Variants in CELF2 observed in about 807,000 individuals in gnomAD.
The protein encoded by CELF2 is CUG triplet repeat RNA-binding protein 2.
A neutral mutation model predicts 62.6 loss-of-function variants in CELF2; 8 were observed. That is an observed-to-expected ratio of 0.13 (90% CI 0.07 to 0.23). CELF2 has a LOEUF of 0.23. CELF2 is among the 10% of genes least tolerant of loss of function. The pLI is 1.00. For synonymous variants in CELF2, 258 were observed against 250.0 expected, an observed-to-expected ratio of 1.03 and a Z score of -0.30; for missense variants, 333 against 671.0, an observed-to-expected ratio of 0.50 and a Z score of 5.56.
chr10:10,606,435 G>A, the CELF2 span, among the ~76,000 whole-genome samples: 1 of 152,180 alleles, frequency 6.6e-6, no homozygotes, highest in Middle Eastern at 3.4e-3. Context: ...TAAAGTGGTG[G>A]GGCTGACTCA....
chr10:10,974,321 C>G (rs2051094558), intron 2 of CELF2, among the ~76,000 whole-genome samples: 1 of 152,108 alleles, frequency 6.6e-6, no homozygotes, highest in South Asian at 2.1e-4. Flanking sequence ...ATTATCTCAC[C>G]AAAAGATTCT....
rs1207968171 is a variant in CELF2 at position 11,027,479 on chromosome 10, T to C, written c.74+9316T>C. Among the ~76,000 whole-genome samples, 5 of 152,294 alleles carry C rather than the reference T, an allele frequency of 3.3e-5. No individual in the cohort carries two copies. The East Asian group carries it at 9.6e-4, about 29-fold the overall frequency. ...GAGGAGACTGAGAGGCAAGTCGTTT[T>C]TTTTATCTTCACCTCGGTTGAGTAC... On this transcript the variant is annotated intron_variant, in intron 1 of 12. Transcript: ENST00000633077.
chr10:10,925,640 A>G (rs2065390319), intron 2 of CELF2, among the ~76,000 whole-genome samples: 1 of 152,166 alleles, frequency 6.6e-6, no homozygotes. Context: ...GATCAGAGGC[A>G]GTAAGGACAT....
At chr10:10,907,894 G>A (rs1284494101) in intron 1 of CELF2, among the ~76,000 whole-genome samples, 2 of 152,166 alleles carry the variant, frequency 1.3e-5, no homozygotes, top group Non-Finnish European at 2.9e-5. Flanking sequence ...CATGGTCCAA[G>A]AAGCAACCTG....
rs1215035331 is a variant in CELF2 at position 11,324,324 on chromosome 10, C to G, written c.1295-1512C>G. On this transcript the variant is annotated intron_variant, in intron 11 of 12. Transcript: ENST00000633077. This position sits in a 1 kb window ranked among gnomAD's most constrained non-coding sequence, Gnocchi z 4.7. ...AACATGAAAGCTGGTAGCACCAAAT[C>G]TGACCATCAGACATACCACCCAGGA... is the stretch of plus-strand genomic sequence containing the variant. Among the ~76,000 whole-genome samples the G allele has an allele frequency of 1.3e-5, 2 of 152,220 alleles. No individual in the cohort carries two copies. The highest frequency in any genetic ancestry group is 2.4e-5 in the African/African-American group (1 of 41,452).
At chr10:10,951,600 G>T (rs1177779971) in intron 2 of CELF2, among the ~76,000 whole-genome samples, 1 of 152,180 alleles carries the variant, frequency 6.6e-6, no homozygotes, top group Non-Finnish European at 1.5e-5. Flanking sequence ...AGTTTTAAAG[G>T]TTGAAAACCA....
intron 1 of CELF2, among the ~76,000 whole-genome samples, chr10:11,081,895 C>T (rs1201038350): frequency 6.6e-6 from 1 of 152,210 alleles, no homozygotes; most frequent in Admixed American, 6.5e-5. Flanking sequence ...TATATTGGTG[C>T]TGTCTTCCAT....
At chr10:10,640,723 T>G in the CELF2 span, among the ~76,000 whole-genome samples, 1 of 152,222 alleles carries the variant, frequency 6.6e-6, no homozygotes, top group South Asian at 2.1e-4. Context: ...TCTGTGCACC[T>G]TGTTAGCATT....
At chr10:10,498,088 A>T in the CELF2 span, among the ~76,000 whole-genome samples, 17 of 152,302 alleles carry the variant, frequency 1.1e-4, no homozygotes, top group East Asian at 2.5e-3. Context: ...CTTACGGACC[A>T]GTTGTGAAGA....
At chr10:10,667,452 T>A in the CELF2 span, among the ~76,000 whole-genome samples, 1 of 152,294 alleles carries the variant, frequency 6.6e-6, no homozygotes, top group Admixed American at 6.5e-5. Flanking sequence ...AAAGGAGATG[T>A]TTTTTAGCAC....
At chr10:11,248,236 G>A (rs1293685751) in intron 3 of CELF2, among the ~76,000 whole-genome samples, 1 of 152,190 alleles carries the variant, frequency 6.6e-6, no homozygotes, top group Non-Finnish European at 1.5e-5. Flanking sequence ...ATTCTAATTG[G>A]TAATGGTGGC....
chr10:10,974,650 C>G (rs201087), intron 2 of CELF2, among the ~76,000 whole-genome samples: 2 of 152,168 alleles, frequency 1.3e-5, no homozygotes, highest in Non-Finnish European at 2.9e-5. Context: ...CCTCTGGTTA[C>G]GTGATTATGT....
the CELF2 span, among the ~76,000 whole-genome samples, chr10:10,656,166 A>G: frequency 2.1e-5 from 3 of 145,798 alleles, no homozygotes; most frequent in Non-Finnish European, 3.0e-5. Flanking sequence ...CAAAACCACA[A>G]TGAGATACCA....
At chr10:11,020,515 A>T (rs1391031251) in intron 1 of CELF2, among the ~76,000 whole-genome samples, 2 of 152,214 alleles carry the variant, frequency 1.3e-5, no homozygotes, top group Non-Finnish European at 1.5e-5. Context: ...TTGAGAAGAT[A>T]GCCATGCGGA....
chr10:11,054,435 A>C (rs1412158396), intron 1 of CELF2, among the ~76,000 whole-genome samples: 1 of 151,984 alleles, frequency 6.6e-6, no homozygotes, highest in Non-Finnish European at 1.5e-5. Flanking sequence ...TAAAAAATCT[A>C]TCATCAGTTT....
At chr10:11,101,690 G>T (rs1204548238) in intron 1 of CELF2, among the ~76,000 whole-genome samples, 1 of 152,190 alleles carries the variant, frequency 6.6e-6, no homozygotes, top group Non-Finnish European at 1.5e-5. Context: ...TGGCTGACTG[G>T]TAGGTTTTTA....
At chr10:10,540,870 T>C in the CELF2 span, among the ~76,000 whole-genome samples, 22 of 152,106 alleles carry the variant, frequency 1.4e-4, no homozygotes, top group African/African-American at 5.3e-4. Flanking sequence ...GAATTCAGTA[T>C]CCTGACTGTC....
chr10:10,969,180 C>T (rs558465637), intron 2 of CELF2, among the ~76,000 whole-genome samples: 1 of 152,298 alleles, frequency 6.6e-6, no homozygotes, highest in South Asian at 2.1e-4. Flanking sequence ...TCACTTGAAC[C>T]TGGGAGGCGG....
intron 3 of CELF2, among the ~76,000 whole-genome samples, chr10:11,218,739 G>A (rs780589917): frequency 3.3e-5 from 5 of 152,270 alleles, no homozygotes; most frequent in Admixed American, 6.5e-5. Context: ...CTCTGAAACT[G>A]CTAAGGTGGT....
Sources: allele counts gnomAD v4.1 joint callset (sites outside exome capture counted in the v4.1 genomes callset), GRCh38; gene constraint gnomAD v4.1.1; non-coding constraint Gnocchi (gnomAD v3.1); transcripts MANE v1.5; gene names NCBI Gene and HGNC (gene_info 2026-07-23, HGNC 2026-07-21).